SLC25A27: variants seen among roughly 807,000 people sequenced by gnomAD.
SLC25A27 encodes the protein mitochondrial uncoupling protein 4.
SLC25A27 carries 35 observed loss-of-function variants against 49.1 expected under a neutral mutation model. The observed-to-expected ratio is 0.71, with a 90% confidence interval of 0.54 to 0.95. The LOEUF is 0.95. SLC25A27 is among the 40% of genes least tolerant of loss of function. The probability of loss-of-function intolerance (pLI) is 0.00; values close to 1 mark genes in which losing one functional copy is unlikely to be tolerated. For synonymous variants in SLC25A27, 144 were observed against 136.9 expected (o/e 1.05, Z -0.36); for missense variants, 339 against 397.1 (o/e 0.85, Z 1.24).
intron 5 of SLC25A27, among the ~76,000 whole-genome samples, chr6:46,665,761 C>G (rs948984256): frequency 6.6e-5 from 10 of 152,190 alleles, no homozygotes; most frequent in Non-Finnish European, 1.3e-4. Context: ...TTCTACACCA[C>G]TAGCCTTCAA....
intron 3 of SLC25A27, among the ~76,000 whole-genome samples, chr6:46,660,230 C>CTCTGTGTGTGTG: frequency 6.8e-6 from 1 of 147,414 alleles, no homozygotes; most frequent in African/African-American, 2.5e-5. Context: ...ACCTCTGTGT[C>CTCTGTGTGTGTG]TGTGTGTGTG....
At chr6:46,675,490 T>C (rs1218955772) in intron 8 of SLC25A27, among the ~76,000 whole-genome samples, 1 of 152,180 alleles carries the variant, frequency 6.6e-6, no homozygotes, top group East Asian at 1.9e-4. Context: ...TTTACTAATA[T>C]AGCATGCTCA....
chr6:46,668,634 C>A, intron 5 of SLC25A27, 75 bp from the exon 6 acceptor site: 1 of 863,336 alleles, frequency 1.2e-6, no homozygotes, highest in Non-Finnish European at 2.0e-6. Flanking sequence ...CATTCCTGCC[C>A]CAAGCCTAGC....
chr6:46,675,763 T>A (rs1763757267), intron 8 of SLC25A27, among the ~76,000 whole-genome samples: 1 of 152,178 alleles, frequency 6.6e-6, no homozygotes, highest in Non-Finnish European at 1.5e-5. Context: ...TATTCTTTTA[T>A]AATTCCTTTA....
intron 3 of SLC25A27, among the ~76,000 whole-genome samples, chr6:46,659,358 C>G (rs1225171307): frequency 6.6e-6 from 1 of 152,112 alleles, no homozygotes; most frequent in African/African-American, 2.4e-5. Flanking sequence ...GCTCAAATTC[C>G]TGCTCTGCTA....
chr6:46,658,267 C>T (rs932243647), intron 2 of SLC25A27, among the ~76,000 whole-genome samples: 8 of 152,190 alleles, frequency 5.3e-5, no homozygotes, highest in Non-Finnish European at 1.2e-4. Context: ...ATTTCATCAA[C>T]TTTCTAAAAC....
At chr6:46,668,817 C>A in intron 6 of SLC25A27, 24 bp downstream of exon 6, 1 of 1,305,950 alleles carries the variant, frequency 7.7e-7, no homozygotes, top group Non-Finnish European at 1.1e-6. Context: ...TAGTTGGACT[C>A]TGTTTTTTTT....
chr6:46,659,169 A>G (rs1377099037), intron 3 of SLC25A27, 123 bp downstream of exon 3: 1 of 678,812 alleles, frequency 1.5e-6, no homozygotes, highest in Non-Finnish European at 2.6e-6. Context: ...TAATAATTAC[A>G]ATATAAGTCC....
chr6:46,670,797 C>T lies in SLC25A27; in HGVS notation c.798-329C>T, dbSNP rs186890954. Among the ~76,000 whole-genome samples the T allele has an allele frequency of 5.5e-4, 83 of 152,114 alleles. No homozygotes were observed. The East Asian group carries it at 0.015, about 28-fold the overall frequency. Reference sequence around the variant, plus strand: ...TGTCTCTCAGGCTGGAGTGCAGTGGCGTGATCTCCCGCTCACTGCAAGCTC... The same window carrying T: ...TGTCTCTCAGGCTGGAGTGCAGTGGTGTGATCTCCCGCTCACTGCAAGCTC... On this transcript the variant is annotated intron_variant, in intron 7 of 8. Transcript: ENST00000371347.
intron 3 of SLC25A27, among the ~76,000 whole-genome samples, chr6:46,662,163 A>G (rs1403904896): frequency 6.6e-6 from 1 of 152,090 alleles, no homozygotes; most frequent in African/African-American, 2.4e-5. Flanking sequence ...TTCAGGCCAT[A>G]TAAGGCCTGA....
intron 3 of SLC25A27, among the ~76,000 whole-genome samples, chr6:46,662,031 C>T (rs1763178518): frequency 6.6e-6 from 1 of 152,152 alleles, no homozygotes; most frequent in South Asian, 2.1e-4. Context: ...GGAGTCTAGC[C>T]TTTGTCTGTT....
intron 8 of SLC25A27, among the ~76,000 whole-genome samples, chr6:46,672,678 C>A (rs759167204): frequency 6.6e-6 from 1 of 152,096 alleles, no homozygotes; most frequent in Non-Finnish European, 1.5e-5. Context: ...GGATCATCTG[C>A]AGGGAAGATT....
At chr6:46,673,307 T>C (rs1009153579) in intron 8 of SLC25A27, among the ~76,000 whole-genome samples, 2 of 152,218 alleles carry the variant, frequency 1.3e-5, no homozygotes, top group Non-Finnish European at 2.9e-5. Context: ...ATCCCTCTTT[T>C]ATAGAGAAGG....
Position 46,670,165 on chromosome 6 carries a change from G to A in SLC25A27, c.735G>A (p.Leu245=). The stretch of plus-strand genomic sequence containing the variant: ...GTTCTGGACTGGTAGCTTCTATTCT[G>A]GGAACACCAGCCGATGTCATCAAAA... ...SLCSGLVASI[L]GTPADVIKSR... The change falls in exon 7 of 9, where the codon CTG becomes CTA. Residue 245 remains leucine (L), a synonymous_variant. Coordinates refer to ENST00000371347, the MANE Select transcript of SLC25A27 (RefSeq NM_004277.5). 1.2e-6 allele frequency: 2 copies of A among 1,612,404 alleles called. No individual in the cohort carries two copies. The highest frequency in any genetic ancestry group is 1.7e-6 in the Non-Finnish European group (2 of 1,179,308).
At chr6:46,664,661 A>T (rs1763266298) in intron 4 of SLC25A27, 113 bp from the exon 5 acceptor site, 10 of 502,636 alleles carry the variant, frequency 2.0e-5, no homozygotes, top group East Asian at 9.7e-5. Context: ...TGGATAAATT[A>T]TATCTGGATG....
intron 8 of SLC25A27, among the ~76,000 whole-genome samples, chr6:46,673,637 G>A (rs193128728): frequency 7.2e-5 from 11 of 152,318 alleles, no homozygotes; most frequent in Admixed American, 7.2e-4. Flanking sequence ...TATCTTTGAA[G>A]AACTACAGAA....
intron 3 of SLC25A27, among the ~76,000 whole-genome samples, chr6:46,659,785 G>A (rs189614868): frequency 3.9e-4 from 60 of 151,996 alleles, no homozygotes; most frequent in African/African-American, 1.4e-3. Flanking sequence ...AACCCAGGAG[G>A]TGGAGGTTGC....
In SLC25A27 at chr6:46,668,054, G is replaced by A. The variant is rs113169221; in HGVS notation, c.620-655G>A. Among the ~76,000 whole-genome samples the A allele has an allele frequency of 2.6e-3, 390 of 152,292 alleles. 2 individuals are homozygous for A. Among genetic ancestry groups the A allele is most frequent in the African/African-American group, 8.9e-3 (368 of 41,560 alleles). ...AGCTCTTCATTGCCATTAGAAAAAT[G>A]TATAAAAGGGCCAGGCGCGGCGGCT... On this transcript the variant is annotated intron_variant, in intron 5 of 8. Coordinates refer to ENST00000371347, the MANE Select transcript of SLC25A27 (RefSeq NM_004277.5).
intron 1 of SLC25A27, among the ~76,000 whole-genome samples, chr6:46,655,122 T>A (rs1762930782): frequency 6.6e-6 from 1 of 152,124 alleles, no homozygotes; most frequent in South Asian, 2.1e-4. Flanking sequence ...AGGCCATGAG[T>A]AGGCGATGCA....
Sources: gnomAD v4.1 joint callset for allele counts (sites outside exome capture counted in the v4.1 genomes callset) on GRCh38, gnomAD v4.1.1 for gene constraint, MANE v1.5 for transcripts, NCBI Gene and HGNC (gene_info 2026-07-23, HGNC 2026-07-21) for gene names.